GRK4: variants seen among roughly 807,000 people sequenced by gnomAD.
GRK4 encodes the protein G protein-coupled receptor kinase 4.
A neutral mutation model predicts 77.9 loss-of-function variants in GRK4; 73 were observed. The observed-to-expected ratio is 0.94, with a 90% CI of 0.78 to 1.14. GRK4 has a LOEUF of 1.14. GRK4 is among the 50% of genes most tolerant of loss of function. The pLI, the probability that GRK4 is intolerant of heterozygous loss-of-function variation, is 0.00. For missense variants in GRK4, 729 were observed against 700.2 expected (o/e 1.04, Z -0.46); for synonymous variants, 257 against 254.4 (o/e 1.01, Z -0.10).
At chr4:3,007,265 C>T (rs1461451465) in intron 5 of GRK4, among the ~76,000 whole-genome samples, 2 of 152,184 alleles carry the variant, frequency 1.3e-5, no homozygotes, top group Non-Finnish European at 2.9e-5. Context: ...CACTTACCCG[C>T]TCACAGTAAC....
In GRK4 at chr4:2,993,466, G is replaced by T. The variant is rs776238890; in HGVS notation, c.339+1174G>T. ...AGGCGGGTAGATCACTTGAGGTCAAGAATTCGACACAGGCCTGGCCAATAT... is the reference window on the plus strand; with the variant it reads ...AGGCGGGTAGATCACTTGAGGTCAATAATTCGACACAGGCCTGGCCAATAT... On this transcript the variant is annotated intron_variant, in intron 4 of 15. Transcript: ENST00000398052. 5.8e-4 allele frequency among the ~76,000 whole-genome samples: 88 copies of T among 152,318 alleles called. No homozygotes were observed. The Middle Eastern group carries it at 0.01, about 18-fold the overall frequency.
rs755973385 is a variant in GRK4, at chr4:2,987,087, C to T, written c.149-1640C>T. ...TTTTCAGCACCCCAAAAAGAAACGC[C>T]ACACCCATTGATAGCCACTCCTGAC... is the stretch of plus-strand genomic sequence containing the variant. On this transcript the variant is annotated intron_variant, in intron 2 of 15. Coordinates refer to ENST00000398052, the MANE Select transcript of GRK4 (RefSeq NM_182982.3). 1.8e-5 allele frequency: 9 copies of T among 513,308 alleles called. No individual in the cohort carries two copies. The Middle Eastern group carries it at 9.5e-4, about 54-fold the overall frequency. The allele number at this position is 513,308 out of a possible 1,614,324, so 31.8% of individuals were successfully genotyped here. A position where few individuals can be genotyped will look rare whatever the true frequency, so the allele number is the denominator to read the frequency against.
chr4:3,001,354 C>CACAT lies in GRK4; in HGVS notation c.340-2876_340-2875insCATA, dbSNP rs1553886630. ...ACACACACACACACACACACACACA[C>CACAT]ATATATATATATATATTTTTTTTTT... On this transcript the variant is annotated intron_variant, in intron 4 of 15. Transcript: ENST00000398052. Among the ~76,000 whole-genome samples, 7 of 103,310 alleles carry CACAT rather than the reference C, an allele frequency of 6.8e-5. No individual in the cohort carries two copies. The South Asian group carries it at 1.1e-3, about 17-fold the overall frequency. 67.8% of individuals were successfully genotyped at this position (103,310 alleles called of 152,430 possible). A position where few individuals can be genotyped will look rare whatever the true frequency, so the allele number is the denominator to read the frequency against.
At chr4:3,014,302 T>TTC (rs1209542382) in intron 8 of GRK4, among the ~76,000 whole-genome samples, 1 of 149,010 alleles carries the variant, frequency 6.7e-6, no homozygotes, top group East Asian at 2.0e-4. Context: ...CTCTCTTTTT[T>TTC]TTTTTTTTTT....
intron 4 of GRK4, among the ~76,000 whole-genome samples, chr4:3,002,189 T>C (rs1027417382): frequency 6.6e-6 from 1 of 152,116 alleles, no homozygotes; most frequent in Admixed American, 6.5e-5. Context: ...ACGGTGGTGC[T>C]GTTTGCGTGG....
intron 10 of GRK4, among the ~76,000 whole-genome samples, chr4:3,026,285 A>G (rs1737541080): frequency 6.6e-6 from 1 of 152,094 alleles, no homozygotes; most frequent in Non-Finnish European, 1.5e-5. Context: ...CGAACTTTGG[A>G]GTTTTTGTCA....
intron 9 of GRK4, 137 bp downstream of exon 9, chr4:3,019,968 G>T: frequency 1.2e-6 from 1 of 806,470 alleles, no homozygotes; most frequent in South Asian, 1.9e-5. Context: ...TGATTCTTAG[G>T]GTTGGTCACT....
chr4:3,035,504 A>C lies in GRK4; in HGVS notation c.1388A>C (p.Glu463Ala), dbSNP rs140345522. ...AGGAGGCTGGAGGCAAACATGCTGG[A>C]GCCCCCTTTCTGTCCTGATGTAAGT... ...NFRRLEANML[E>A]PPFCPDPHAV... Residue 463 changes from glutamate to alanine, a missense_variant, in exon 13 of 16, where the codon GAG becomes GCG. Physicochemically the swap from Glu to Ala is moderately radical, Grantham distance 107. Transcript: ENST00000398052. 103 of 1,613,732 alleles carry C rather than the reference A, an allele frequency of 6.4e-5. No homozygotes were observed. Among genetic ancestry groups the C allele is most frequent in the Middle Eastern group, 1.7e-4 (1 of 6,008 alleles).
chr4:3,029,300 A>G lies in GRK4; in HGVS notation c.1160A>G (p.Lys387Arg). 3 of 1,614,106 alleles carry G rather than the reference A, an allele frequency of 1.9e-6. No homozygotes were observed. Among genetic ancestry groups the G allele is most frequent in the South Asian group, 2.2e-5 (2 of 91,086 alleles). The stretch of plus-strand genomic sequence containing the variant: ...ATGATTCAGGGACATTCTCCATTCA[A>G]AAAATACAAAGAGAAAGTCAAATGG... Reference protein sequence around the residue: ...YEMIQGHSPFKKYKEKVKWEE... With the variant: ...YEMIQGHSPFRKYKEKVKWEE... Residue 387 changes from lysine to arginine, a missense_variant, in exon 12 of 16, where the codon AAA becomes AGA. Lys to Arg is a conservative substitution (Grantham distance 26). Transcript: ENST00000398052.
At position 3,018,619 on chromosome 4, in the gene GRK4, C is replaced by T. The variant is rs374690787; in HGVS notation, c.742-1022C>T. ...GAGGCTGGGCACTGTGGTTCACGCC[C>T]GTGATCCCAGCACTTTGGGAGGCCG... On this transcript the variant is annotated intron_variant, in intron 8 of 15. Coordinates refer to ENST00000398052, the MANE Select transcript of GRK4 (RefSeq NM_182982.3). Among the ~76,000 whole-genome samples, 5 of 152,138 alleles carry T rather than the reference C, an allele frequency of 3.3e-5. No homozygotes were observed. In the South Asian group the frequency reaches 8.3e-4, roughly 25 times the overall value.
At position 3,001,089 on chromosome 4, in the gene GRK4, A is replaced by ATATATATATATATATGTGTG; in HGVS notation, c.340-3141_340-3140insATATATATATATATGTGTGT. Among the ~76,000 whole-genome samples, 69 of 82,428 alleles carry ATATATATATATATATGTGTG rather than the reference A, an allele frequency of 8.4e-4. 7 individuals carry two copies. The highest frequency in any genetic ancestry group is 3.7e-3 in the African/African-American group (64 of 17,212). The allele number at this position is 82,428 out of a possible 152,430, so 54.1% of individuals were successfully genotyped here. ...TAAATGAGACTATATATATATATAT[A>ATATATATATATATATGTGTG]TGTGTGTGTGTGTGTGTATATATAT... On this transcript the variant is annotated intron_variant, in intron 4 of 15. Coordinates refer to ENST00000398052, the MANE Select transcript of GRK4 (RefSeq NM_182982.3).
At chr4:3,027,860 C>T (rs373234154) in intron 10 of GRK4, 52 bp from the exon 11 acceptor site, 41 of 1,445,998 alleles carry the variant, frequency 2.8e-5, no homozygotes, top group African/African-American at 4.2e-5. Flanking sequence ...ATTGTTGTTA[C>T]GGTGTCATTA....
chr4:3,005,766 A>C (rs955529884), intron 5 of GRK4, among the ~76,000 whole-genome samples: 2 of 152,008 alleles, frequency 1.3e-5, no homozygotes, highest in Non-Finnish European at 2.9e-5. Flanking sequence ...CCTGTACTCC[A>C]CTGTACTCCA....
intron 10 of GRK4, among the ~76,000 whole-genome samples, chr4:3,023,879 G>C (rs1039105809): frequency 6.6e-6 from 1 of 152,214 alleles, no homozygotes; most frequent in African/African-American, 2.4e-5. Flanking sequence ...TGTAAACAAA[G>C]CAGGGAATTG....
chr4:2,976,397 A>AG (rs1476657226), intron 1 of GRK4, among the ~76,000 whole-genome samples: 1 of 128,032 alleles, frequency 7.8e-6, no homozygotes, highest in Non-Finnish European at 1.7e-5. Flanking sequence ...ATGCCTGAGT[A>AG]ATTTTTTTTT....
chr4:2,970,676 C>CTT (rs1227402955), intron 1 of GRK4, among the ~76,000 whole-genome samples: 1 of 148,708 alleles, frequency 6.7e-6, no homozygotes, highest in African/African-American at 2.5e-5. Context: ...AAAAAATGTT[C>CTT]TTTTTTTTTG....
At chr4:3,016,113 T>C (rs1734420799) in intron 8 of GRK4, among the ~76,000 whole-genome samples, 1 of 150,590 alleles carries the variant, frequency 6.6e-6, no homozygotes, top group Admixed American at 6.6e-5. Context: ...TTTCACTTTG[T>C]TGGCCAGGCT....
chr4:2,984,024 C>T (rs1157610151), intron 1 of GRK4, among the ~76,000 whole-genome samples: 5 of 152,068 alleles, frequency 3.3e-5, no homozygotes, highest in Non-Finnish European at 5.9e-5. Flanking sequence ...TCACGGGACT[C>T]CCACCTGGTC....
At chr4:3,013,891 C>T in intron 8 of GRK4, 63 bp downstream of exon 8, 4 of 1,496,878 alleles carry the variant, frequency 2.7e-6, no homozygotes, top group Non-Finnish European at 3.6e-6. Context: ...TGTCAGCCGA[C>T]ATGCCGCTCA....
Sources: allele counts gnomAD v4.1 joint callset (sites outside exome capture counted in the v4.1 genomes callset), GRCh38; gene constraint gnomAD v4.1.1; transcripts MANE v1.5; gene names NCBI Gene and HGNC (gene_info 2026-07-23, HGNC 2026-07-21).